The following DYNC2I1 variants were observed in gnomAD, a reference collection of about 807,000 sequenced individuals.
DYNC2I1 encodes the protein cytoplasmic dynein 2 intermediate chain 1.
DYNC2I1 carries 89 observed loss-of-function variants against 133.4 expected under a neutral mutation model. The observed-to-expected ratio is 0.67, with a 90% CI of 0.56 to 0.80. The LOEUF is 0.80. Ranked by LOEUF, DYNC2I1 falls within the 30% of genes least tolerant of loss-of-function variation. The pLI is 0.00. For synonymous variants in DYNC2I1, 504 were observed against 484.3 expected (o/e 1.04, Z -0.54); for missense variants, 1,291 against 1,314.5 (o/e 0.98, Z 0.28).
At position 158,926,454 on chromosome 7, in the gene DYNC2I1, C is replaced by T; in HGVS notation, c.2424C>T (p.Leu808=). 1.2e-6 allele frequency: 2 copies of T among 1,613,026 alleles called. No individual in the cohort carries two copies. Among genetic ancestry groups the T allele is most frequent in the East Asian group, 2.2e-5 (1 of 44,888 alleles). The part of the protein sequence containing the change: ...HIASLDESGV[L]NVWVVVELPK... ...CTTCCTTGGATGAGAGTGGGGTTCT[C>T]AATGTATGGGTGAGTAGTGGCCCAG... The change falls in exon 19 of 25, where the codon CTC becomes CTT. Residue 808 remains leucine, a synonymous_variant. Transcript: ENST00000407559.
At chr7:158,939,230 G>A (rs926010708) in intron 23 of DYNC2I1, among the ~76,000 whole-genome samples, 1 of 151,848 alleles carries the variant, frequency 6.6e-6, no homozygotes, top group African/African-American at 2.4e-5. Context: ...GGGAGTTTGA[G>A]ACCAGTTTGA....
intron 1 of DYNC2I1, 77 bp downstream of exon 1, chr7:158,856,827 G>A (rs2129475404): frequency 1.6e-6 from 2 of 1,213,134 alleles, no homozygotes; most frequent in East Asian, 6.4e-5. Context: ...CAGCGCCGCC[G>A]CCGCCCTCCC....
intron 24 of DYNC2I1, among the ~76,000 whole-genome samples, chr7:158,942,540 A>G (rs1028846437): frequency 2.0e-5 from 3 of 152,238 alleles, no homozygotes; most frequent in Non-Finnish European, 4.4e-5. Context: ...AGCCCAAGCT[A>G]GTCTATTGGA....
intron 5 of DYNC2I1, among the ~76,000 whole-genome samples, chr7:158,882,928 G>A (rs1471517428): frequency 2.6e-5 from 4 of 151,430 alleles, no homozygotes; most frequent in African/African-American, 9.7e-5. Flanking sequence ...ACAATATCAG[G>A]AATGGGGATC....
At chr7:158,909,023 A>C (rs1585115187) in intron 11 of DYNC2I1, among the ~76,000 whole-genome samples, 1 of 152,282 alleles carries the variant, frequency 6.6e-6, no homozygotes, top group East Asian at 1.9e-4. Context: ...TGGAATAGGC[A>C]AGGTATTAAA....
chr7:158,861,487 C>G (rs919327060), intron 1 of DYNC2I1, among the ~76,000 whole-genome samples: 2 of 152,164 alleles, frequency 1.3e-5, no homozygotes, highest in Admixed American at 6.5e-5. Flanking sequence ...ATCTATTTCA[C>G]CACTCGAAAG....
chr7:158,902,626 G>T, intron 10 of DYNC2I1, 31 bp downstream of exon 10: 7 of 1,596,646 alleles, frequency 4.4e-6, no homozygotes, highest in Non-Finnish European at 5.1e-6. Flanking sequence ...AATGGTGTCC[G>T]TGCTCTTAGG....
Position 158,934,435 on chromosome 7 carries a change from C to A in DYNC2I1, c.2664C>A (p.Gly888=), listed in dbSNP as rs756722452. 1.2e-6 allele frequency: 2 copies of A among 1,602,954 alleles called. No individual in the cohort carries two copies. Among genetic ancestry groups the A allele is most frequent in the East Asian group, 4.5e-5 (2 of 44,622 alleles). Residue 888 remains glycine, a synonymous_variant, in exon 23 of 25, where the codon GGC becomes GGA. Coordinates refer to ENST00000407559, the MANE Select transcript of DYNC2I1 (RefSeq NM_018051.5). ...IGTDMGLISH[G]TRQDLRVAPK... The stretch of plus-strand genomic sequence containing the variant: ...CTTCACAGGGTCTCATAAGCCATGG[C>A]ACAAGACAAGATTTGAGAGTGGCTC...
intron 3 of DYNC2I1, among the ~76,000 whole-genome samples, chr7:158,871,831 G>A (rs558428611): frequency 2.0e-5 from 3 of 152,140 alleles, no homozygotes; most frequent in African/African-American, 7.2e-5. Flanking sequence ...ACTGTGCCCA[G>A]CTGGCTCTAT....
intron 5 of DYNC2I1, among the ~76,000 whole-genome samples, chr7:158,881,503 G>T (rs1844013733): frequency 6.6e-6 from 1 of 152,022 alleles, no homozygotes; most frequent in Non-Finnish European, 1.5e-5. Flanking sequence ...GCCCAGGCTG[G>T]AGTGCAGTGG....
At chr7:158,878,315 A>G (rs958877246) in intron 4 of DYNC2I1, among the ~76,000 whole-genome samples, 1 of 143,662 alleles carries the variant, frequency 7.0e-6, no homozygotes, top group Non-Finnish European at 1.5e-5. Flanking sequence ...TGGGGATGCC[A>G]GGAGGGCCGA....
intron 21 of DYNC2I1, 29 bp downstream of exon 21, chr7:158,930,544 T>C (rs1187377170): frequency 1.3e-6 from 2 of 1,592,274 alleles, no homozygotes; most frequent in Non-Finnish European, 1.7e-6. Flanking sequence ...TGCTTCACTA[T>C]CTCACAAAGA....
chr7:158,939,790 G>A (rs984843315), intron 23 of DYNC2I1, among the ~76,000 whole-genome samples: 4 of 152,106 alleles, frequency 2.6e-5, no homozygotes, highest in African/African-American at 9.7e-5. Context: ...TATACAACTA[G>A]AAACCAAAGA....
chr7:158,875,549 G>A (rs1465949199), intron 3 of DYNC2I1, among the ~76,000 whole-genome samples: 1 of 152,222 alleles, frequency 6.6e-6, no homozygotes, highest in Non-Finnish European at 1.5e-5. Flanking sequence ...CTTGTTGGAT[G>A]ATGCTTTGGT....
intron 8 of DYNC2I1, among the ~76,000 whole-genome samples, chr7:158,899,463 T>A (rs1392387357): frequency 1.3e-5 from 2 of 152,224 alleles, no homozygotes; most frequent in Admixed American, 6.5e-5. Context: ...TATTTCCCTT[T>A]ACTTATTTCT....
chr7:158,911,458 C>A, intron 11 of DYNC2I1, 92 bp from the exon 12 acceptor site: 4 of 1,365,682 alleles, frequency 2.9e-6, no homozygotes, highest in Non-Finnish European at 4.0e-6. Context: ...CAATAACATG[C>A]ATTTAACTCT....
At chr7:158,870,432 C>T (rs946314599) in intron 2 of DYNC2I1, among the ~76,000 whole-genome samples, 2 of 152,170 alleles carry the variant, frequency 1.3e-5, no homozygotes, top group African/African-American at 4.8e-5. Context: ...TAGCCCACTG[C>T]AGCCTTGACC....
chr7:158,901,849 A>G, intron 9 of DYNC2I1, 33 bp downstream of exon 9: 1 of 1,435,804 alleles, frequency 7.0e-7, no homozygotes, highest in South Asian at 1.3e-5. Context: ...TCCTTAGCTT[A>G]AAAATCATTT....
At chr7:158,915,896 GGAT>G (rs1436400255) in intron 14 of DYNC2I1, among the ~76,000 whole-genome samples, 5 of 150,568 alleles carry the variant, frequency 3.3e-5, no homozygotes, top group African/African-American at 1.2e-4. Flanking sequence ...TTGAGATTAA[GGAT>G]GATTGTGAAA....
Sources: gnomAD v4.1 joint callset for allele counts (sites outside exome capture counted in the v4.1 genomes callset) on GRCh38, gnomAD v4.1.1 for gene constraint, MANE v1.5 for transcripts, NCBI Gene and HGNC (gene_info 2026-07-23, HGNC 2026-07-21) for gene names.